The following ARSB variants were observed in gnomAD, a reference collection of about 807,000 sequenced individuals.
The protein encoded by ARSB is arylsulfatase B, also known as N-acetylgalactosamine-4-sulfatase.
A neutral mutation model predicts 50.9 loss-of-function variants in ARSB; 41 were observed. The ratio of observed to expected loss-of-function variants is 0.81; its 90% CI spans 0.63 to 1.04. The LOEUF is 1.04. Among genes scored for constraint, ARSB ranks in the 50% least tolerant of loss-of-function variants. ARSB has a pLI of 0.00. For missense variants in ARSB, 672 were observed against 693.3 expected (o/e 0.97, Z 0.35); for synonymous variants, 269 against 284.8 (o/e 0.94, Z 0.56).
intron 5 of ARSB, among the ~76,000 whole-genome samples, chr5:78,878,168 T>G (rs1581082968): frequency 1.3e-5 from 2 of 152,190 alleles, no homozygotes; most frequent in South Asian, 4.1e-4. Flanking sequence ...ATATGTACAT[T>G]GTTGCCAGAT....
At chr5:78,855,875 A>C (rs969774651) in intron 5 of ARSB, among the ~76,000 whole-genome samples, 1 of 152,010 alleles carries the variant, frequency 6.6e-6, no homozygotes, top group Non-Finnish European at 1.5e-5. Context: ...GAGGCCTGGC[A>C]TTTCTTCCCA....
intron 5 of ARSB, among the ~76,000 whole-genome samples, chr5:78,855,748 C>G (rs931418489): frequency 4.6e-5 from 7 of 152,174 alleles, no homozygotes; most frequent in Non-Finnish European, 2.9e-5. Context: ...GTGCTCAGGT[C>G]TGTAGGTATC....
chr5:78,949,834 C>A (rs950495097), intron 4 of ARSB, among the ~76,000 whole-genome samples: 18 of 152,150 alleles, frequency 1.2e-4, no homozygotes, highest in Non-Finnish European at 1.2e-4. Context: ...CACTTGAACC[C>A]GGGAGGCAGT....
chr5:78,884,178 C>A (rs1048737910), intron 5 of ARSB: 5 of 152,068 alleles, frequency 3.3e-5, no homozygotes, highest in Non-Finnish European at 7.4e-5. Flanking sequence ...CAGTTGTTGG[C>A]CTTCTGGAAA....
At chr5:78,789,154 C>T (rs1749173194) in intron 6 of ARSB, among the ~76,000 whole-genome samples, 1 of 152,138 alleles carries the variant, frequency 6.6e-6, no homozygotes, top group Non-Finnish European at 1.5e-5. Flanking sequence ...TTTTAGGAAA[C>T]ACAGTATTTT....
intron 6 of ARSB, among the ~76,000 whole-genome samples, chr5:78,838,265 G>C (rs1488988757): frequency 6.6e-6 from 1 of 152,172 alleles, no homozygotes; most frequent in East Asian, 1.9e-4. Flanking sequence ...GGGTTTTTAA[G>C]GGATGAGAGA....
At chr5:78,827,397 G>A (rs1413770769) in intron 6 of ARSB, among the ~76,000 whole-genome samples, 1 of 152,084 alleles carries the variant, frequency 6.6e-6, no homozygotes, top group Non-Finnish European at 1.5e-5. Context: ...TTTTAGTAAA[G>A]ACGGGGTTTT....
chr5:78,973,412 C>A (rs1033992419), intron 1 of ARSB, among the ~76,000 whole-genome samples: 2 of 152,210 alleles, frequency 1.3e-5, no homozygotes, highest in Non-Finnish European at 2.9e-5. Context: ...AAAAGGTCTG[C>A]AAATCCAGTG....
rs762454192 is a variant in ARSB at position 78,781,964 on chromosome 5, G to A, written c.1224C>T (p.Asn408=). 28 of 1,614,022 alleles carry A rather than the reference G, an allele frequency of 1.7e-5. 1 individual carries two copies. The East Asian group carries it at 6.2e-4, about 36-fold the overall frequency. The change falls in exon 7 of 8, where the codon AAC becomes AAT. Residue 408 remains asparagine, a synonymous_variant. Transcript: ENST00000264914. ...AGTCATCCTTTGCTGGAGCCATGCT[G>A]TTCCTGGGACCTGGGAAGAAATAGT... ...NFVDSSPCPR[N]SMAPAKDDSS...
intron 4 of ARSB, among the ~76,000 whole-genome samples, chr5:78,917,481 G>A (rs1257797469): frequency 6.6e-6 from 1 of 151,402 alleles, no homozygotes; most frequent in Non-Finnish European, 1.5e-5. Context: ...TTAAATCACT[G>A]GTTTTTTAAA....
chr5:78,915,866 A>G (rs918184210), intron 4 of ARSB, among the ~76,000 whole-genome samples: 1 of 152,240 alleles, frequency 6.6e-6, no homozygotes, highest in Non-Finnish European at 1.5e-5. Flanking sequence ...AAAGAAGGTC[A>G]CGTGTGGAAC....
intron 6 of ARSB, among the ~76,000 whole-genome samples, chr5:78,829,208 A>C (rs990447260): frequency 6.6e-6 from 1 of 152,246 alleles, no homozygotes; most frequent in Admixed American, 6.5e-5. Context: ...CATTCAAAAA[A>C]TACGAAAATA....
Position 78,866,425 on chromosome 5 carries a change from G to A in ARSB, c.1142+19159C>T, listed in dbSNP as rs1746743230. Among the ~76,000 whole-genome samples, 9 of 152,156 alleles carry A rather than the reference G, an allele frequency of 5.9e-5. No homozygotes were observed. The South Asian group carries it at 1.9e-3, about 32-fold the overall frequency. On this transcript the variant is annotated intron_variant, in intron 5 of 7. Coordinates refer to ENST00000264914, the MANE Select transcript of ARSB (RefSeq NM_000046.5). ...ACTGGGTCCCTGCCACAACACATGG[G>A]AATTCAAGATGAGATTTGGGTGGGG...
intron 1 of ARSB, among the ~76,000 whole-genome samples, chr5:78,979,581 C>T (rs1358009399): frequency 6.6e-6 from 1 of 152,220 alleles, no homozygotes; most frequent in Non-Finnish European, 1.5e-5. Context: ...ACCTGGGATT[C>T]AAACGGGCAA....
intron 4 of ARSB, among the ~76,000 whole-genome samples, chr5:78,954,797 G>A (rs942259167): frequency 3.9e-5 from 6 of 152,148 alleles, no homozygotes; most frequent in Non-Finnish European, 8.8e-5. Context: ...GAGCCACCGC[G>A]CCCGGCCCCA....
At chr5:78,910,454 T>C (rs535395101) in intron 4 of ARSB, among the ~76,000 whole-genome samples, 3 of 152,228 alleles carry the variant, frequency 2.0e-5, no homozygotes, top group Non-Finnish European at 4.4e-5. Flanking sequence ...GCCCCATCTA[T>C]TGTTACATCA....
chr5:78,938,577 G>C (rs1750743125), intron 4 of ARSB, among the ~76,000 whole-genome samples: 1 of 152,224 alleles, frequency 6.6e-6, no homozygotes. Context: ...AACCCAGTGA[G>C]ATTGGTTTCC....
intron 6 of ARSB, among the ~76,000 whole-genome samples, chr5:78,798,983 T>A (rs973634435): frequency 6.6e-6 from 1 of 152,184 alleles, no homozygotes; most frequent in African/African-American, 2.4e-5. Flanking sequence ...TTGAGACAAC[T>A]CTTTCCAGCC....
At chr5:78,982,592 G>C (rs76892134) in intron 1 of ARSB, among the ~76,000 whole-genome samples, 2,238 of 152,254 alleles carry the variant, frequency 0.015, 56 homozygotes, top group African/African-American at 0.051. Flanking sequence ...TGTAACCTTG[G>C]GCAAGTTTCT....
Sources: gnomAD v4.1 joint callset for allele counts (sites outside exome capture counted in the v4.1 genomes callset) on GRCh38, gnomAD v4.1.1 for gene constraint, MANE v1.5 for transcripts, NCBI Gene and HGNC (gene_info 2026-07-23, HGNC 2026-07-21) for gene names.